Variants in CCDC178 observed in about 807,000 individuals in gnomAD.
The protein encoded by CCDC178 is coiled-coil domain containing 178, also known as coiled-coil domain-containing protein 178.
In CCDC178, 126 loss-of-function variants were observed where a neutral mutation model predicts 117.4. The observed-to-expected ratio is 1.07, with a 90% confidence interval of 0.93 to 1.24. The LOEUF (loss-of-function observed/expected upper bound fraction) is 1.24, where lower values mean the gene tolerates loss of function less well. Ranked by LOEUF, CCDC178 falls within the 50% of genes most tolerant of loss-of-function variation. The pLI is 0.00. For synonymous variants in CCDC178, 283 were observed against 313.4 expected (o/e 0.90, Z 1.02); for missense variants, 1,030 against 986.9 (o/e 1.04, Z -0.59).
rs147609067 is a variant in CCDC178 at position 32,953,904 on chromosome 18, A to G, written c.2524-15813T>C. ...TTACATTCAGACTTCTAGAGATGTTAATGCATAAGCTTCCTTTCACATATA... is the reference window on the plus strand; with the variant it reads ...TTACATTCAGACTTCTAGAGATGTTGATGCATAAGCTTCCTTTCACATATA... On this transcript the variant is annotated intron_variant, in intron 22 of 22. Coordinates refer to ENST00000383096, the MANE Select transcript of CCDC178 (RefSeq NM_001105528.4). Among the ~76,000 whole-genome samples the G allele has an allele frequency of 5.5e-3, 834 of 152,316 alleles. 9 individuals are homozygous for G. The highest frequency in any genetic ancestry group is 6.2e-3 in the Non-Finnish European group (425 of 68,004).
At chr18:33,359,442 G>C (rs2063098185) in intron 6 of CCDC178, among the ~76,000 whole-genome samples, 1 of 151,556 alleles carries the variant, frequency 6.6e-6, no homozygotes, top group Admixed American at 6.6e-5. Context: ...CTGGTACCTA[G>C]CATTTAAATA....
At chr18:33,313,060 C>T (rs1033322386) in intron 11 of CCDC178, among the ~76,000 whole-genome samples, 1 of 152,178 alleles carries the variant, frequency 6.6e-6, no homozygotes, top group Admixed American at 6.5e-5. Context: ...GGTGCTCTTC[C>T]ACTGGGATGC....
At chr18:33,324,671 T>G (rs2062561394) in intron 10 of CCDC178, among the ~76,000 whole-genome samples, 1 of 131,134 alleles carries the variant, frequency 7.6e-6, no homozygotes, top group African/African-American at 2.7e-5. Context: ...TGGCTGTTTC[T>G]GTAACAATTT....
At chr18:33,337,576 G>A (rs1027776727) in intron 9 of CCDC178, among the ~76,000 whole-genome samples, 11 of 152,000 alleles carry the variant, frequency 7.2e-5, no homozygotes, top group African/African-American at 2.7e-4. Flanking sequence ...GTAGACCAAT[G>A]GAACAGAATA....
intron 20 of CCDC178, among the ~76,000 whole-genome samples, chr18:33,141,627 G>A (rs1215240071): frequency 6.6e-6 from 1 of 152,118 alleles, no homozygotes; most frequent in Non-Finnish European, 1.5e-5. Flanking sequence ...TTAGCTTCTA[G>A]AATTATTTAT....
chr18:33,428,526 G>A lies in CCDC178; in HGVS notation c.-23+11436C>T, dbSNP rs991053007. Among the ~76,000 whole-genome samples, 2 of 152,060 alleles carry A rather than the reference G, an allele frequency of 1.3e-5. 1 individual carries two copies. Among genetic ancestry groups the A allele is most frequent in the South Asian group, 4.2e-4 (2 of 4,806 alleles). ...AGGCAGGCAGATCACGAGGTCAAGA[G>A]ATCAAGACCATGCTGGCCAACATGG... On this transcript the variant is annotated intron_variant, in intron 2 of 22. Transcript: ENST00000383096.
intron 21 of CCDC178, among the ~76,000 whole-genome samples, chr18:33,042,008 A>C (rs1334664083): frequency 6.6e-6 from 1 of 151,916 alleles, no homozygotes; most frequent in African/African-American, 2.4e-5. Flanking sequence ...TATAAATATA[A>C]AGGAAGAATA....
At chr18:33,140,711 G>C (rs1031224853) in intron 20 of CCDC178, among the ~76,000 whole-genome samples, 2 of 152,162 alleles carry the variant, frequency 1.3e-5, no homozygotes, top group African/African-American at 4.8e-5. Flanking sequence ...TCTCAGATGA[G>C]ACATTGTACT....
intron 21 of CCDC178, among the ~76,000 whole-genome samples, chr18:33,073,533 ATCTATC>A (rs2057148405): frequency 2.0e-5 from 3 of 149,320 alleles, no homozygotes; most frequent in African/African-American, 7.6e-5. Context: ...CTATCTATCT[ATCTATC>A]TATCTATCTA....
intron 3 of CCDC178, among the ~76,000 whole-genome samples, chr18:33,401,227 G>A (rs1206365661): frequency 1.3e-5 from 2 of 152,198 alleles, no homozygotes; most frequent in African/African-American, 4.8e-5. Flanking sequence ...GTATTAAAAT[G>A]TGACATTGAT....
intron 15 of CCDC178, among the ~76,000 whole-genome samples, chr18:33,227,718 G>A (rs2059324455): frequency 6.6e-6 from 1 of 151,610 alleles, no homozygotes; most frequent in Non-Finnish European, 1.5e-5. Context: ...AAGCCAGCAG[G>A]CCTCTGCTCT....
intron 12 of CCDC178, among the ~76,000 whole-genome samples, chr18:33,273,048 A>T (rs569045725): frequency 4.0e-5 from 6 of 150,978 alleles, no homozygotes; most frequent in Non-Finnish European, 8.9e-5. Flanking sequence ...AGGCAAAAAA[A>T]AAATAAAAAT....
chr18:33,041,825 A>G (rs781403287), intron 21 of CCDC178, among the ~76,000 whole-genome samples: 6 of 151,848 alleles, frequency 4.0e-5, no homozygotes, highest in South Asian at 2.1e-4. Flanking sequence ...TGTAAATTAT[A>G]TAAGACTATA....
intron 22 of CCDC178, among the ~76,000 whole-genome samples, chr18:32,966,997 GT>G (rs2054827543): frequency 6.6e-6 from 1 of 151,556 alleles, no homozygotes; most frequent in African/African-American, 2.4e-5. Context: ...CATTTTCTGA[GT>G]GGTATCTCTA....
chr18:33,334,355 T>C (rs776574277), intron 9 of CCDC178, among the ~76,000 whole-genome samples: 3 of 152,082 alleles, frequency 2.0e-5, no homozygotes, highest in Non-Finnish European at 2.9e-5. Flanking sequence ...TGAATAAAAT[T>C]ATTTTTTCTG....
chr18:33,346,127 A>T, intron 9 of CCDC178, 84 bp downstream of exon 9: 4 of 1,096,712 alleles, frequency 3.6e-6, no homozygotes, highest in Non-Finnish European at 5.2e-6. Flanking sequence ...CACTAAGACA[A>T]TTTTTTTAAA....
At chr18:33,112,976 A>G (rs555438292) in intron 20 of CCDC178, among the ~76,000 whole-genome samples, 30 of 152,076 alleles carry the variant, frequency 2.0e-4, no homozygotes, top group Admixed American at 2.0e-3. Flanking sequence ...ACTCATAAAA[A>G]CCAAAGATAT....
rs192126235 is a variant in CCDC178 at position 33,103,955 on chromosome 18, T to C, written c.2239-11045A>G. On this transcript the variant is annotated intron_variant, in intron 20 of 22. Transcript: ENST00000383096. Reference sequence around the variant, plus strand: ...AGACAAATATTATAGCCACACAGAATGAACTTTAAAATATGGGGCTGAGCA... The same window carrying C: ...AGACAAATATTATAGCCACACAGAACGAACTTTAAAATATGGGGCTGAGCA... 8.6e-5 allele frequency among the ~76,000 whole-genome samples: 13 copies of C among 151,898 alleles called. No individual in the cohort carries two copies. In the East Asian group the frequency reaches 2.5e-3, roughly 30 times the overall value.
chr18:33,415,842 T>A lies in CCDC178; in HGVS notation c.-22-3732A>T, dbSNP rs149846105. On this transcript the variant is annotated intron_variant, in intron 2 of 22. Transcript: ENST00000383096. ...TAAAAAAAACTCTGGGTGCATTATA[T>A]GTAAAACCAACATAAGAAGACTGAA... 1.7e-3 allele frequency among the ~76,000 whole-genome samples: 257 copies of A among 152,266 alleles called. 2 individuals are homozygous for A. Among genetic ancestry groups the A allele is most frequent in the African/African-American group, 5.7e-3 (238 of 41,562 alleles).
Sources: allele counts gnomAD v4.1 joint callset (sites outside exome capture counted in the v4.1 genomes callset), GRCh38; gene constraint gnomAD v4.1.1; transcripts MANE v1.5; gene names NCBI Gene and HGNC (gene_info 2026-07-23, HGNC 2026-07-21).